Variants in COL5A1 observed in about 807,000 individuals in gnomAD.
The protein encoded by COL5A1 is collagen type V alpha 1 chain.
In COL5A1, 16 loss-of-function variants were observed where a neutral mutation model predicts 263.7. The observed-to-expected ratio is 0.06, with a 90% CI of 0.04 to 0.09. The LOEUF (loss-of-function observed/expected upper bound fraction) is 0.09, where lower values mean the gene tolerates loss of function less well. Ranked by LOEUF, COL5A1 falls within the 10% of genes least tolerant of loss-of-function variation. The pLI is 1.00. For missense variants in COL5A1, 2,036 were observed against 2,540.5 expected (o/e 0.80, Z 4.27); for synonymous variants, 1,012 against 1,004.5 (o/e 1.01, Z -0.14).
chr9:134,767,299 C>G lies in COL5A1; in HGVS notation c.2188-11C>G. 6.2e-7 allele frequency: 1 copy of G among 1,614,016 alleles called. No homozygotes were observed. The highest frequency in any genetic ancestry group is 8.5e-7 in the Non-Finnish European group (1 of 1,179,906). On this transcript the variant is annotated splice_polypyrimidine_tract_variant and intron_variant, in intron 23 of 65. Coordinates refer to ENST00000371817, the MANE Select transcript of COL5A1 (RefSeq NM_000093.5). Reference sequence around the variant, plus strand: ...CCTCACCTTCCCTTTCTGGCTCTTTCTCCCTCTTAGGGTCTTCCAGGCCCC... The same window carrying G: ...CCTCACCTTCCCTTTCTGGCTCTTTGTCCCTCTTAGGGTCTTCCAGGCCCC...
rs1838649696 is a variant in COL5A1 at position 134,814,157 on chromosome 9, C to CA, written c.3906+121_3906+122insA. 4.3e-6 allele frequency: 4 copies of CA among 935,404 alleles called. No homozygotes were observed. In the African/African-American group the frequency reaches 6.6e-5, roughly 15 times the overall value. 57.9% of individuals were successfully genotyped at this position (935,404 alleles called of 1,614,324 possible). A position where few individuals can be genotyped will look rare whatever the true frequency, so the allele number is the denominator to read the frequency against. On this transcript the variant is annotated intron_variant, in intron 49 of 65. Coordinates refer to ENST00000371817, the MANE Select transcript of COL5A1 (RefSeq NM_000093.5). ...CCATCCACGAAATGGGAGTTGTAAC[C>CA]CCTCTTGTGCCCATTTCATGGAATG...
Position 134,641,927 on chromosome 9 carries a change from A to C in COL5A1, c.-261A>C, listed in dbSNP as rs1321362665. The C allele has an allele frequency of 2.3e-5, 9 of 383,276 alleles. No homozygotes were observed. Among genetic ancestry groups the C allele is most frequent in the Admixed American group, 1.4e-4 (3 of 22,100 alleles). The allele number at this position is 383,276 out of a possible 1,614,324, so 23.7% of individuals were successfully genotyped here. On this transcript the variant is annotated 5_prime_UTR_variant, in exon 1 of 66. Coordinates refer to ENST00000371817, the MANE Select transcript of COL5A1 (RefSeq NM_000093.5). ...AAGGAGTTGGAGGAGGAGGAGGAGG[A>C]GGCGAGGGCGAGCTAGCCCAGCGGG...
intron 2 of COL5A1, among the ~76,000 whole-genome samples, chr9:134,692,312 C>A (rs1312775648): frequency 6.6e-6 from 1 of 152,174 alleles, no homozygotes; most frequent in African/African-American, 2.4e-5. Flanking sequence ...GCGTGTGGAA[C>A]TCATCGGCTC....
At chr9:134,717,610 G>A (rs1834315218) in intron 4 of COL5A1, among the ~76,000 whole-genome samples, 1 of 152,190 alleles carries the variant, frequency 6.6e-6, no homozygotes, top group African/African-American at 2.4e-5. Context: ...GTTGGACAAC[G>A]TGCCCGCCTG....
chr9:134,687,603 C>T (rs1309503052), intron 1 of COL5A1, among the ~76,000 whole-genome samples: 1 of 152,180 alleles, frequency 6.6e-6, no homozygotes, highest in East Asian at 1.9e-4. Context: ...GCCTTCTGTG[C>T]ATCAGATGGT....
At chr9:134,822,477 G>A (rs1375675195) in intron 59 of COL5A1, among the ~76,000 whole-genome samples, 1 of 152,154 alleles carries the variant, frequency 6.6e-6, no homozygotes, top group Non-Finnish European at 1.5e-5. Flanking sequence ...CAATTCCCAG[G>A]AGCCCGGCCA....
In COL5A1 at chr9:134,834,959, CT is replaced by C. The variant is rs771328695; in HGVS notation, c.5137-11del. Reference sequence around the variant, plus strand: ...CCCACCCTGCTGAGCCCCAACACCCCTGTCCCCCCAGCTCTCCTATGTGGAC... The same window carrying C: ...CCCACCCTGCTGAGCCCCAACACCCCGTCCCCCCAGCTCTCCTATGTGGAC... On this transcript the variant is annotated splice_polypyrimidine_tract_variant and intron_variant, in intron 64 of 65. Coordinates refer to ENST00000371817, the MANE Select transcript of COL5A1 (RefSeq NM_000093.5). The C allele has an allele frequency of 1.9e-6, 3 of 1,602,168 alleles. No homozygotes were observed. The highest frequency in any genetic ancestry group is 4.5e-5 in the East Asian group (2 of 44,724).
chr9:134,670,071 A>C (rs1026436782), intron 1 of COL5A1, among the ~76,000 whole-genome samples: 4 of 152,218 alleles, frequency 2.6e-5, no homozygotes, highest in Non-Finnish European at 5.9e-5. Context: ...TGTGCCCTGC[A>C]CTTAGACACA....
chr9:134,750,685 A>AG, intron 12 of COL5A1, 69 bp downstream of exon 12: 1 of 1,597,264 alleles, frequency 6.3e-7, no homozygotes, highest in Non-Finnish European at 8.6e-7. Context: ...AGACCCTCTG[A>AG]GGCTGCGCTG....
chr9:134,725,415 A>G (rs557675172), intron 4 of COL5A1, among the ~76,000 whole-genome samples: 8 of 152,302 alleles, frequency 5.3e-5, no homozygotes, highest in African/African-American at 1.4e-4. Flanking sequence ...CACTGTCATT[A>G]CTATAATCAT....
Position 134,790,476 on chromosome 9 carries a change from ACCC to A in COL5A1, c.2700+1269_2700+1271del, listed in dbSNP as rs1837641031. 2.1e-3 allele frequency among the ~76,000 whole-genome samples: 116 copies of A among 54,882 alleles called. 1 individual carries two copies. Among genetic ancestry groups the A allele is most frequent in the African/African-American group, 8.8e-3 (100 of 11,398 alleles). 36.0% of individuals were successfully genotyped at this position (54,882 alleles called of 152,430 possible). ...CACCCATCCATCCAGCCACCCACCC[ACCC>A]ATCCACCCATCCACCCACCCACCCA... On this transcript the variant is annotated intron_variant, in intron 32 of 65. Transcript: ENST00000371817.
chr9:134,732,385 G>T (rs77818922), intron 9 of COL5A1: 1 of 600,004 alleles, frequency 1.7e-6, no homozygotes, highest in Non-Finnish European at 3.0e-6. Flanking sequence ...CTGCACCCAA[G>T]CTCTGGGCAT....
In COL5A1 at chr9:134,680,217, G is replaced by A. The variant is rs1011336459; in HGVS notation, c.110-10695G>A. ...TCTGGGTACCTCAGAGCCCACTCAGGGCAGCCATCCAGGCGAAGGTTAACA... is the reference window on the plus strand; with the variant it reads ...TCTGGGTACCTCAGAGCCCACTCAGAGCAGCCATCCAGGCGAAGGTTAACA... On this transcript the variant is annotated intron_variant, in intron 1 of 65. Coordinates refer to ENST00000371817, the MANE Select transcript of COL5A1 (RefSeq NM_000093.5). This position sits in a 1 kb window ranked among gnomAD's most constrained non-coding sequence, Gnocchi z 5.9. Among the ~76,000 whole-genome samples, 1 of 152,182 alleles carries A rather than the reference G, an allele frequency of 6.6e-6. No homozygotes were observed. Among genetic ancestry groups the A allele is most frequent in the African/African-American group, 2.4e-5 (1 of 41,434 alleles).
chr9:134,692,572 G>A (rs1833324064), intron 2 of COL5A1, among the ~76,000 whole-genome samples: 1 of 152,106 alleles, frequency 6.6e-6, no homozygotes, highest in Non-Finnish European at 1.5e-5. Flanking sequence ...ATGGACTCTG[G>A]GTGTGTGACA....
intron 1 of COL5A1, among the ~76,000 whole-genome samples, chr9:134,663,578 C>T (rs1832273213): frequency 6.6e-6 from 1 of 152,194 alleles, no homozygotes; most frequent in African/African-American, 2.4e-5. Flanking sequence ...TCATTATAGT[C>T]ATTTTGGAAA....
At chr9:134,708,948 C>T (rs1463819535) in intron 4 of COL5A1, 5 of 456,532 alleles carry the variant, frequency 1.1e-5, no homozygotes, top group Admixed American at 2.3e-5. Flanking sequence ...CTTCTGCCTC[C>T]GTCTTTACAC....
chr9:134,679,577 GGGGCACTGTGGGGCTGGTT>G (rs1316728193), intron 1 of COL5A1, among the ~76,000 whole-genome samples: 1 of 103,856 alleles, frequency 9.6e-6, no homozygotes, highest in South Asian at 4.1e-4. Flanking sequence ...GGGCTGGCTA[GGGGCACTGTGGGGCTGGTT>G]GGGCACTGCG....
At chr9:134,782,485 G>A (rs9409919) in intron 28 of COL5A1, 182 bp from the exon 29 acceptor site, 9,104 of 702,518 alleles carry the variant, frequency 0.013, 74 homozygotes, top group Non-Finnish European at 0.016. Context: ...AGCTGGGAAC[G>A]CAGAGCTCAT....
chr9:134,645,874 G>C (rs1476323761), intron 1 of COL5A1, among the ~76,000 whole-genome samples: 2 of 152,312 alleles, frequency 1.3e-5, no homozygotes, highest in South Asian at 4.1e-4. Context: ...GTCCAAACAG[G>C]GTCCTGGGAG....
Sources: allele counts gnomAD v4.1 joint callset (sites outside exome capture counted in the v4.1 genomes callset), GRCh38; gene constraint gnomAD v4.1.1; non-coding constraint Gnocchi (gnomAD v3.1); transcripts MANE v1.5; gene names NCBI Gene and HGNC (gene_info 2026-07-23, HGNC 2026-07-21).